HEATR4: variants seen among roughly 807,000 people sequenced by gnomAD.
HEATR4 encodes HEAT repeat-containing protein 4.
HEATR4 carries 95 observed loss-of-function variants against 108.8 expected under a neutral mutation model. The ratio of observed to expected loss-of-function variants is 0.87; its 90% CI spans 0.74 to 1.04. The LOEUF (loss-of-function observed/expected upper bound fraction) is 1.04, where lower values mean the gene tolerates loss of function less well. HEATR4 is among the 50% of genes least tolerant of loss of function. HEATR4 has a pLI of 0.00. For missense variants in HEATR4, 1,152 were observed against 1,253.8 expected, an observed-to-expected ratio of 0.92 and a Z score of 1.23; for synonymous variants, 443 against 459.4, an observed-to-expected ratio of 0.96 and a Z score of 0.46.
At chr14:73,513,494 G>C (rs1250991112) in intron 6 of HEATR4, among the ~76,000 whole-genome samples, 4 of 151,498 alleles carry the variant, frequency 2.6e-5, no homozygotes, top group African/African-American at 9.7e-5. Context: ...CGGTGGCCAA[G>C]GCGGGCAGAT....
At chr14:73,624,792 G>T in the HEATR4 span, among the ~76,000 whole-genome samples, 3 of 152,144 alleles carry the variant, frequency 2.0e-5, no homozygotes, top group Non-Finnish European at 4.4e-5. Flanking sequence ...CTATGAAATG[G>T]GCGTAATAAT....
chr14:73,481,316 G>A (rs2140239230), intron 17 of HEATR4, among the ~76,000 whole-genome samples: 1 of 151,850 alleles, frequency 6.6e-6, no homozygotes, highest in East Asian at 2.0e-4. Context: ...GTGCACGCCT[G>A]TAATCCCAGC....
At chr14:73,612,044 CT>C in the HEATR4 span, among the ~76,000 whole-genome samples, 8,205 of 141,898 alleles carry the variant, frequency 0.058, 230 homozygotes, top group African/African-American at 0.084. Context: ...GTCATTAACT[CT>C]TTTTTTTTTT....
chr14:73,491,579 G>A, intron 17 of HEATR4: 1 of 1,543,774 alleles, frequency 6.5e-7, no homozygotes, highest in African/African-American at 1.4e-5. Context: ...GCTGCGGCGC[G>A]TCTTGGCCGA....
At chr14:73,615,928 AGGGGCCTAGCTACTTG>A in the HEATR4 span, among the ~76,000 whole-genome samples, 1 of 152,068 alleles carries the variant, frequency 6.6e-6, no homozygotes, top group Admixed American at 6.6e-5. Context: ...AGCCAAGCAT[AGGGGCCTAGCTACTTG>A]GGAGGGTGGC....
the HEATR4 span, chr14:73,612,951 G>T: frequency 7.9e-7 from 1 of 1,267,870 alleles, no homozygotes; most frequent in Non-Finnish European, 1.0e-6. Context: ...CAGAACAAGC[G>T]CGACTTTCTC....
chr14:73,594,112 T>G, the HEATR4 span, among the ~76,000 whole-genome samples: 2 of 152,236 alleles, frequency 1.3e-5, no homozygotes, highest in East Asian at 3.8e-4. Context: ...GAGATTTTAT[T>G]TAGTAATATT....
the HEATR4 span, among the ~76,000 whole-genome samples, chr14:73,579,265 TAAAAA>T: frequency 7.5e-4 from 53 of 70,854 alleles, 1 homozygote; most frequent in East Asian, 7.2e-3. Flanking sequence ...TCAAAAAAAT[TAAAAA>T]AAAAAAAAAA....
At chr14:73,577,624 G>A in the HEATR4 span, among the ~76,000 whole-genome samples, 1 of 151,472 alleles carries the variant, frequency 6.6e-6, no homozygotes, top group African/African-American at 2.4e-5. Context: ...TTTAGTAGAT[G>A]CTAGATCCCA....
rs1491520683 is a variant in HEATR4 at position 73,535,470 on chromosome 14, T to TC, written c.-151-5227_-151-5226insG. Among the ~76,000 whole-genome samples the TC allele has an allele frequency of 4.2e-4, 2 of 4,776 alleles. 1 individual carries two copies. The highest frequency in any genetic ancestry group is 6.5e-3 in the Admixed American group (2 of 310). 3.1% of individuals were successfully genotyped at this position (4,776 alleles called of 152,430 possible). On this transcript the variant is annotated intron_variant, in intron 1 of 17. Coordinates refer to ENST00000553558, the MANE Select transcript of HEATR4 (RefSeq NM_001220484.1). ...CTTTTTCTTTTCTTTTTCTTCTTTC[T>TC]TTTTTTTTTTTTTTTTTTTTTTTTT...
At position 73,502,046 on chromosome 14, in the gene HEATR4, A is replaced by AT. The variant is rs777992104; in HGVS notation, c.2105+848dup. ...AGGAGTGAGCCACTGCGCCCGGCCA[A>AT]TTTTTTTTTTTTTTTTTTTTAATTT... On this transcript the variant is annotated intron_variant, in intron 11 of 17. Transcript: ENST00000553558. 3.6e-3 allele frequency among the ~76,000 whole-genome samples: 485 copies of AT among 133,914 alleles called. 2 individuals are homozygous for AT. The highest frequency in any genetic ancestry group is 0.012 in the East Asian group (54 of 4,600). The allele number at this position is 133,914 out of a possible 152,430, so 87.9% of individuals were successfully genotyped here.
intron 17 of HEATR4, among the ~76,000 whole-genome samples, chr14:73,479,458 G>T (rs1445456761): frequency 3.0e-4 from 30 of 99,024 alleles, no homozygotes; most frequent in African/African-American, 1.3e-3. Flanking sequence ...TTTTTTTTGA[G>T]ACGGAGTTTC....
chr14:73,597,591 C>CTTTTTTTTTTTTTTTTTTTT, the HEATR4 span, among the ~76,000 whole-genome samples: 4 of 98,206 alleles, frequency 4.1e-5, no homozygotes, highest in African/African-American at 1.1e-4. Flanking sequence ...TTTTTCTTTT[C>CTTTTTTTTTTTTTTTTTTTT]TTTTTTTTTT....
chr14:73,591,805 C>G, the HEATR4 span: 12 of 651,532 alleles, frequency 1.8e-5, no homozygotes, highest in Non-Finnish European at 2.0e-5. Context: ...CCGGGTTAAC[C>G]GGTCTGAAGT....
At chr14:73,562,965 T>A (rs1306150563), upstream of HEATR4, among the ~76,000 whole-genome samples, 1 of 152,024 alleles carries the variant, frequency 6.6e-6, no homozygotes, top group Non-Finnish European at 1.5e-5. Flanking sequence ...TTTGTCCTAT[T>A]CCCTCAGAAG....
At chr14:73,627,856 T>C in the HEATR4 span, among the ~76,000 whole-genome samples, 1 of 152,084 alleles carries the variant, frequency 6.6e-6, no homozygotes, top group Middle Eastern at 3.2e-3. Flanking sequence ...TACTCTCTGT[T>C]GCCTAGGCTG....
the HEATR4 span, among the ~76,000 whole-genome samples, chr14:73,604,608 C>G: frequency 6.6e-6 from 1 of 152,158 alleles, no homozygotes; most frequent in Non-Finnish European, 1.5e-5. Flanking sequence ...GCCTCAACCT[C>G]CCAAGTAGCT....
At chr14:73,619,294 A>G in the HEATR4 span, 7 of 1,612,228 alleles carry the variant, frequency 4.3e-6, no homozygotes, top group South Asian at 5.5e-5. Flanking sequence ...GTGTCTCTCA[A>G]TGGCTTCTTT....
the HEATR4 span, among the ~76,000 whole-genome samples, chr14:73,587,500 C>T: frequency 1.3e-5 from 2 of 151,906 alleles, no homozygotes; most frequent in Admixed American, 6.6e-5. Context: ...GGACTACAGA[C>T]GTGGGCCACC....
Sources: allele counts gnomAD v4.1 joint callset (sites outside exome capture counted in the v4.1 genomes callset), GRCh38; gene constraint gnomAD v4.1.1; transcripts MANE v1.5; gene names NCBI Gene and HGNC (gene_info 2026-07-23, HGNC 2026-07-21).